The following PCNX2 variants were observed in gnomAD, a reference collection of about 807,000 sequenced individuals.
PCNX2 encodes the protein pecanex 2.
PCNX2 carries 168 observed loss-of-function variants against 223.8 expected under a neutral mutation model. The observed-to-expected ratio is 0.75, with a 90% confidence interval of 0.66 to 0.85. PCNX2 has a LOEUF of 0.85. Ranked by LOEUF, PCNX2 falls within the 40% of genes least tolerant of loss-of-function variation. The probability of loss-of-function intolerance (pLI) is 0.00; values close to 1 mark genes in which losing one functional copy is unlikely to be tolerated. For synonymous variants in PCNX2, 1,006 were observed against 1,052.6 expected (o/e 0.96, Z 0.86); for missense variants, 2,507 against 2,675.5 (o/e 0.94, Z 1.39).
chr1:233,159,176 C>T lies in PCNX2; in HGVS notation c.3517+1107G>A, dbSNP rs1040334108. 4.6e-5 allele frequency among the ~76,000 whole-genome samples: 7 copies of T among 152,212 alleles called. No individual in the cohort carries two copies. The East Asian group carries it at 1.4e-3, about 29-fold the overall frequency. On this transcript the variant is annotated intron_variant, in intron 19 of 33. Coordinates refer to ENST00000258229, the MANE Select transcript of PCNX2 (RefSeq NM_014801.4). Reference sequence around the variant, plus strand: ...CCTGCACTTCTAAACCCCAGCAGCCCGACGAGGCCATCTTTCTCCACTGAA... The same window carrying T: ...CCTGCACTTCTAAACCCCAGCAGCCTGACGAGGCCATCTTTCTCCACTGAA...
chr1:233,129,652 T>C (rs188817407), intron 21 of PCNX2, among the ~76,000 whole-genome samples: 1 of 152,332 alleles, frequency 6.6e-6, no homozygotes, highest in East Asian at 1.9e-4. Flanking sequence ...ATCAGCACCC[T>C]GTGTCTAGCT....
At chr1:233,225,833 A>G (rs1290612613) in intron 10 of PCNX2, among the ~76,000 whole-genome samples, 5 of 152,228 alleles carry the variant, frequency 3.3e-5, no homozygotes, top group African/African-American at 1.2e-4. Flanking sequence ...ACTATCTTGG[A>G]TTTTTAGTTA....
intron 8 of PCNX2, among the ~76,000 whole-genome samples, chr1:233,249,536 G>A (rs1258161871): frequency 6.6e-6 from 1 of 152,200 alleles, no homozygotes; most frequent in Non-Finnish European, 1.5e-5. Flanking sequence ...ATTTGCATGG[G>A]GACTTTGCAT....
chr1:233,317,284 G>C, the PCNX2 span, among the ~76,000 whole-genome samples: 2 of 152,004 alleles, frequency 1.3e-5, no homozygotes, highest in African/African-American at 4.8e-5. Flanking sequence ...CGTGATGATG[G>C]GTGCCTGTAA....
At chr1:233,161,496 T>C (rs1678479694) in intron 17 of PCNX2, 133 bp from the exon 18 acceptor site, 2 of 708,834 alleles carry the variant, frequency 2.8e-6, no homozygotes, top group Admixed American at 4.3e-5. Context: ...CCTGACACAC[T>C]CATTGGCACA....
intron 17 of PCNX2, among the ~76,000 whole-genome samples, chr1:233,177,464 T>C (rs143114818): frequency 0.013 from 1,968 of 152,348 alleles, 26 homozygotes; most frequent in South Asian, 0.037. Context: ...AAGGTGGATG[T>C]GTCAGGTTAT....
At chr1:233,301,233 C>T in the PCNX2 span, among the ~76,000 whole-genome samples, 1 of 151,974 alleles carries the variant, frequency 6.6e-6, no homozygotes, top group Non-Finnish European at 1.5e-5. Context: ...ATAAAGAAAA[C>T]AAGAAAGGTC....
At chr1:233,290,534 G>GA (rs1451131552) in intron 1 of PCNX2, among the ~76,000 whole-genome samples, 1 of 152,092 alleles carries the variant, frequency 6.6e-6, no homozygotes, top group Admixed American at 6.5e-5. Context: ...AACATTGATT[G>GA]AAAAAAGAGG....
At chr1:233,128,631 G>A (rs752809645) in intron 21 of PCNX2, among the ~76,000 whole-genome samples, 4 of 152,144 alleles carry the variant, frequency 2.6e-5, no homozygotes, top group African/African-American at 4.8e-5. Context: ...CACTGTGCCC[G>A]GCCAACTATG....
intron 19 of PCNX2, among the ~76,000 whole-genome samples, chr1:233,148,960 T>A (rs1020534705): frequency 6.6e-6 from 1 of 152,202 alleles, no homozygotes; most frequent in African/African-American, 2.4e-5. Flanking sequence ...ACACCAACCA[T>A]GAAAGGCTAG....
At chr1:233,321,291 GCTTTTTATTT>G in the PCNX2 span, among the ~76,000 whole-genome samples, 1 of 151,594 alleles carries the variant, frequency 6.6e-6, no homozygotes, top group African/African-American at 2.4e-5. Flanking sequence ...TTACCCAAGC[GCTTTTTATTT>G]CTTTTTATTT....
In PCNX2 at chr1:233,095,844, T is replaced by C. The variant is rs1571860395; in HGVS notation, c.3857A>G (p.Lys1286Arg). The change falls in exon 22 of 34, where the codon AAG (lysine) becomes AGG (arginine). Residue 1286 changes from lysine (K) to arginine (R), a missense_variant. Transcript: ENST00000258229. ...LFSKLGDLLH[K>R]LQFVLTYVAP... ...CACATATGTCAGGACGAACTGTAAC[T>C]TGTGAAGCAGGTCCCCGAGCTGAAA... The C allele has an allele frequency of 1.2e-6, 2 of 1,611,128 alleles. No homozygotes were observed. The highest frequency in any genetic ancestry group is 4.5e-5 in the East Asian group (2 of 44,806).
chr1:233,015,181 GTCCTCTGTTC>G (rs1416105752), intron 27 of PCNX2, among the ~76,000 whole-genome samples: 1 of 152,062 alleles, frequency 6.6e-6, no homozygotes, highest in Non-Finnish European at 1.5e-5. Flanking sequence ...GTGAAGGAGA[GTCCTCTGTTC>G]TCCCTAAAAG....
chr1:232,991,960 C>T lies in PCNX2; in HGVS notation c.5792-5420G>A, dbSNP rs1352159788. On this transcript the variant is annotated intron_variant, in intron 32 of 33. Transcript: ENST00000258229. This position sits in a 1 kb window ranked among gnomAD's most constrained non-coding sequence, Gnocchi z 4.3. Reference sequence around the variant, plus strand: ...AAGCCATCATTCAACAGAAGAACAACGTGAACTGATTTAAGTTTAAATAAA... The same window carrying T: ...AAGCCATCATTCAACAGAAGAACAATGTGAACTGATTTAAGTTTAAATAAA... Among the ~76,000 whole-genome samples the T allele has an allele frequency of 6.6e-6, 1 of 152,198 alleles. No homozygotes were observed. The highest frequency in any genetic ancestry group is 1.5e-5 in the Non-Finnish European group (1 of 68,044).
intron 23 of PCNX2, among the ~76,000 whole-genome samples, chr1:233,076,332 G>A (rs968849903): frequency 2.0e-5 from 3 of 152,182 alleles, no homozygotes; most frequent in African/African-American, 7.2e-5. Context: ...CCGGGCTTTT[G>A]ACATGCATTT....
At chr1:233,237,098 C>A in intron 8 of PCNX2, 118 bp from the exon 9 acceptor site, 2 of 1,291,962 alleles carry the variant, frequency 1.5e-6, no homozygotes, top group Non-Finnish European at 2.1e-6. Flanking sequence ...TGAGACTTTA[C>A]AACCTTACAT....
intron 9 of PCNX2, among the ~76,000 whole-genome samples, 176 bp from the exon 10 acceptor site, chr1:233,227,547 A>G (rs1054540469): frequency 6.6e-6 from 1 of 151,850 alleles, no homozygotes; most frequent in Non-Finnish European, 1.5e-5. Flanking sequence ...CATTCAAACT[A>G]AATACTCTAA....
intron 21 of PCNX2, among the ~76,000 whole-genome samples, chr1:233,102,713 A>AT (rs59637424): frequency 0.012 from 1,746 of 151,702 alleles, 33 homozygotes; most frequent in African/African-American, 0.04. Flanking sequence ...ATTGTTATTA[A>AT]TTTTTTTTGC....
chr1:233,204,789 T>C (rs187999744), intron 13 of PCNX2, among the ~76,000 whole-genome samples: 21 of 152,356 alleles, frequency 1.4e-4, no homozygotes, highest in Admixed American at 6.5e-4. Context: ...CCAGAAGTTA[T>C]TTAATCGGCT....
Sources: gnomAD v4.1 joint callset for allele counts (sites outside exome capture counted in the v4.1 genomes callset) on GRCh38, gnomAD v4.1.1 for gene constraint, Gnocchi (gnomAD v3.1) non-coding constraint, MANE v1.5 for transcripts, NCBI Gene and HGNC (gene_info 2026-07-23, HGNC 2026-07-21) for gene names.